The following SDK1 variants were observed in gnomAD, a reference collection of about 807,000 sequenced individuals.
SDK1 encodes sidekick cell adhesion molecule 1.
A neutral mutation model predicts 245.5 loss-of-function variants in SDK1; 157 were observed. That is an observed-to-expected ratio of 0.64 (90% CI 0.56 to 0.73). The LOEUF is 0.73. SDK1 is among the 30% of genes least tolerant of loss of function. SDK1 has a pLI of 0.00. For synonymous variants in SDK1, 1,647 were observed against 1,278.5 expected (o/e 1.29, Z -6.15); for missense variants, 3,583 against 3,002.3 (o/e 1.19, Z -4.52).
intron 17 of SDK1, among the ~76,000 whole-genome samples, chr7:4,030,008 G>A (rs542190635): frequency 1.3e-5 from 2 of 152,338 alleles, no homozygotes; most frequent in East Asian, 3.9e-4. Context: ...CCCAGAGAGA[G>A]CTGTGACCGT....
chr7:4,175,345 G>T (rs657108), intron 33 of SDK1, among the ~76,000 whole-genome samples: 99,585 of 152,114 alleles, frequency 0.65, 32,918 homozygotes, highest in Admixed American at 0.73. Flanking sequence ...CCCGGGATGC[G>T]GCTGGGCTTA....
chr7:3,868,819 T>C (rs551912456), intron 5 of SDK1, among the ~76,000 whole-genome samples: 3 of 152,168 alleles, frequency 2.0e-5, no homozygotes, highest in South Asian at 4.2e-4. Flanking sequence ...TAAAAAGGGG[T>C]TTCATTGGCA....
chr7:3,918,715 G>A (rs1779476855), intron 5 of SDK1, among the ~76,000 whole-genome samples: 1 of 152,034 alleles, frequency 6.6e-6, no homozygotes, highest in South Asian at 2.1e-4. Context: ...AAAAAGGCTG[G>A]GACCACTGCC....
At chr7:3,664,046 A>G (rs1309133188) in intron 4 of SDK1, among the ~76,000 whole-genome samples, 3 of 148,944 alleles carry the variant, frequency 2.0e-5, no homozygotes, top group African/African-American at 7.4e-5. Context: ...ACTCTAGTTT[A>G]TTTTCCCTTT....
chr7:3,876,989 G>C (rs147297232), intron 5 of SDK1, among the ~76,000 whole-genome samples: 8 of 152,282 alleles, frequency 5.3e-5, no homozygotes, highest in East Asian at 1.9e-4. Flanking sequence ...AATACCTTCT[G>C]TCCCTCTGCC....
Position 4,208,490 on chromosome 7 carries a change from C to T in SDK1, c.5401+205C>T, listed in dbSNP as rs369207762. Among the ~76,000 whole-genome samples, 74 of 152,322 alleles carry T rather than the reference C, an allele frequency of 4.9e-4. No individual in the cohort carries two copies. In the East Asian group the frequency reaches 6.4e-3, roughly 13 times the overall value. Reference sequence around the variant, plus strand: ...CTGGCCTCAGACTGGTACACAGTGGCGCTAAATAAATGTTAGGTGGGTTGG... The same window carrying T: ...CTGGCCTCAGACTGGTACACAGTGGTGCTAAATAAATGTTAGGTGGGTTGG... On this transcript the variant is annotated intron_variant, in intron 37 of 44. Coordinates refer to ENST00000404826, the MANE Select transcript of SDK1 (RefSeq NM_152744.4).
chr7:3,386,471 T>A (rs530536275), intron 1 of SDK1, among the ~76,000 whole-genome samples: 11 of 152,250 alleles, frequency 7.2e-5, no homozygotes, highest in Non-Finnish European at 1.3e-4. Context: ...ATATTTTGTT[T>A]AGAGTTAACA....
intron 5 of SDK1, among the ~76,000 whole-genome samples, chr7:3,914,939 CATTTT>C (rs1185605219): frequency 6.6e-6 from 1 of 152,168 alleles, no homozygotes; most frequent in African/African-American, 2.4e-5. Context: ...AGACTGAACT[CATTTT>C]AGGTGGTTGT....
At chr7:3,571,209 C>T (rs1780103545) in intron 1 of SDK1, among the ~76,000 whole-genome samples, 1 of 151,960 alleles carries the variant, frequency 6.6e-6, no homozygotes, top group Non-Finnish European at 1.5e-5. Context: ...AAAACTTATC[C>T]TAGCTATTTG....
rs945475027 is a variant in SDK1, at chr7:3,582,228, G to C, written c.299-36852G>C. On this transcript the variant is annotated intron_variant, in intron 1 of 44. Transcript: ENST00000404826. ...AGGTAGGTCTCCCTCAGGTAGGTCTGTCTCAGGTAGGTCTCCCTCAGGTAG... is the reference window on the plus strand; with the variant it reads ...AGGTAGGTCTCCCTCAGGTAGGTCTCTCTCAGGTAGGTCTCCCTCAGGTAG... Among the ~76,000 whole-genome samples, 81 of 149,202 alleles carry C rather than the reference G, an allele frequency of 5.4e-4. 1 individual carries two copies. The highest frequency in any genetic ancestry group is 3.5e-3 in the Middle Eastern group (1 of 284).
intron 1 of SDK1, among the ~76,000 whole-genome samples, chr7:3,342,401 C>G (rs998984448): frequency 1.3e-5 from 2 of 151,910 alleles, no homozygotes; most frequent in African/African-American, 4.8e-5. Flanking sequence ...TCAGCCTGAC[C>G]GACATGGAGA....
intron 1 of SDK1, among the ~76,000 whole-genome samples, chr7:3,395,546 G>A (rs920849095): frequency 1.3e-5 from 2 of 151,648 alleles, no homozygotes; most frequent in African/African-American, 4.8e-5. Context: ...TATACTTCTC[G>A]GAAGAATTTG....
chr7:3,344,369 C>T (rs1780437261), intron 1 of SDK1, among the ~76,000 whole-genome samples: 1 of 152,198 alleles, frequency 6.6e-6, no homozygotes, highest in African/African-American at 2.4e-5. Context: ...AAAGCTGAAG[C>T]TCTGTACCTA....
intron 5 of SDK1, among the ~76,000 whole-genome samples, chr7:3,878,056 A>G (rs1781116711): frequency 6.6e-6 from 1 of 152,244 alleles, no homozygotes; most frequent in African/African-American, 2.4e-5. Context: ...TAAGTTGTAC[A>G]TACTCCCATT....
chr7:3,916,570 T>C (rs575632199), intron 5 of SDK1, among the ~76,000 whole-genome samples: 1 of 152,342 alleles, frequency 6.6e-6, no homozygotes, highest in African/African-American at 2.4e-5. Context: ...AAGCAATTCT[T>C]AGGTAAGATT....
intron 4 of SDK1, among the ~76,000 whole-genome samples, chr7:3,668,226 G>C (rs376812954): frequency 3.3e-5 from 5 of 152,176 alleles, no homozygotes; most frequent in African/African-American, 1.2e-4. Flanking sequence ...ATTTGAGCAG[G>C]AGTGGGAAGG....
At chr7:3,786,054 A>G (rs1780890637) in intron 4 of SDK1, among the ~76,000 whole-genome samples, 1 of 152,172 alleles carries the variant, frequency 6.6e-6, no homozygotes. Context: ...CTCTTTGAAC[A>G]TAGAAGCTGG....
At chr7:3,397,892 A>C (rs1281046732) in intron 1 of SDK1, among the ~76,000 whole-genome samples, 7 of 152,106 alleles carry the variant, frequency 4.6e-5, no homozygotes, top group Non-Finnish European at 1.0e-4. Flanking sequence ...TGATAATTAC[A>C]TAATCTCTGC....
rs1583208119 is a variant in SDK1 at position 4,265,231 on chromosome 7, C to T, written c.6489C>T (p.Arg2163=). 1.2e-6 allele frequency: 2 copies of T among 1,608,304 alleles called. No individual in the cohort carries two copies. The highest frequency in any genetic ancestry group is 1.3e-5 in the African/African-American group (1 of 75,020). ...YNSWKRRAQG[R]APAPHRYEAV... is the part of the protein sequence containing the mutation. ...CATGGAAGCGCAGGGCCCAGGGCCG[C>T]GCACCTGCGCCGCACAGGTACGAGG... Residue 2163 remains arginine (R), a synonymous_variant, in exon 45 of 45, where the codon CGC becomes CGT. Transcript: ENST00000404826.
Sources: gnomAD v4.1 joint callset for allele counts (sites outside exome capture counted in the v4.1 genomes callset) on GRCh38, gnomAD v4.1.1 for gene constraint, MANE v1.5 for transcripts, NCBI Gene and HGNC (gene_info 2026-07-23, HGNC 2026-07-21) for gene names.